TNKS: variants seen among roughly 807,000 people sequenced by gnomAD.
TNKS encodes the protein tankyrase.
A neutral mutation model predicts 135.8 loss-of-function variants in TNKS; 72 were observed. The observed-to-expected ratio is 0.53, with a 90% CI of 0.44 to 0.64. TNKS has a LOEUF of 0.64. Ranked by LOEUF, TNKS falls within the 30% of genes least tolerant of loss-of-function variation. TNKS has a pLI of 0.00. For missense variants in TNKS, 1,769 were observed against 1,674.0 expected, an observed-to-expected ratio of 1.06 and a Z score of -0.99; for synonymous variants, 849 against 649.3, an observed-to-expected ratio of 1.31 and a Z score of -4.68.
rs372777869 is a variant in TNKS at position 9,580,175 on chromosome 8, T to C, written c.690T>C (p.Asp230=). 31 of 1,614,008 alleles carry C rather than the reference T, an allele frequency of 1.9e-5. No homozygotes were observed. Among genetic ancestry groups the C allele is most frequent in the Non-Finnish European group, 2.4e-5 (28 of 1,179,990 alleles). The part of the protein sequence containing the change: ...LHFAAGFGRK[D]VVEHLLQMGA... Reference sequence around the variant, plus strand: ...TCTTTTTAGGTTTTGGAAGGAAGGATGTTGTAGAACACTTACTACAGATGG... The same window carrying C: ...TCTTTTTAGGTTTTGGAAGGAAGGACGTTGTAGAACACTTACTACAGATGG... The change falls in exon 2 of 27, where the codon GAT becomes GAC. Residue 230 remains aspartate, a synonymous_variant. Coordinates refer to ENST00000310430, the MANE Select transcript of TNKS (RefSeq NM_003747.3).
intron 9 of TNKS, among the ~76,000 whole-genome samples, chr8:9,709,543 A>T (rs900251689): frequency 3.3e-5 from 5 of 152,194 alleles, no homozygotes; most frequent in African/African-American, 1.2e-4. Flanking sequence ...CGTCTCCTGT[A>T]GTGCTGGGAG....
chr8:9,666,735 A>G (rs1222800599), intron 3 of TNKS, among the ~76,000 whole-genome samples: 1 of 151,752 alleles, frequency 6.6e-6, no homozygotes, highest in East Asian at 1.9e-4. Context: ...AAAAAAAAAA[A>G]GTAAAATACA....
intron 3 of TNKS, among the ~76,000 whole-genome samples, chr8:9,673,679 C>T (rs986389806): frequency 2.6e-5 from 4 of 151,976 alleles, no homozygotes; most frequent in Admixed American, 1.3e-4. Flanking sequence ...CTCCTGACCT[C>T]GTGATCCACC....
At chr8:9,706,155 T>A (rs1804033723) in intron 6 of TNKS, 32 bp from the exon 7 acceptor site, 1 of 1,516,588 alleles carries the variant, frequency 6.6e-7, no homozygotes, top group Non-Finnish European at 8.9e-7. Context: ...TGTTTGAAAT[T>A]TAAGTATTTT....
chr8:9,683,628 T>C (rs1327973501), intron 5 of TNKS, among the ~76,000 whole-genome samples: 1 of 151,804 alleles, frequency 6.6e-6, no homozygotes. Context: ...TCTTATACAG[T>C]GGTTAGTAGG....
intron 2 of TNKS, among the ~76,000 whole-genome samples, chr8:9,584,876 C>G (rs1798308807): frequency 6.6e-6 from 1 of 152,158 alleles, no homozygotes; most frequent in Admixed American, 6.5e-5. Flanking sequence ...GCAAATCATT[C>G]TAAAGATAAC....
At chr8:9,767,632 T>G (rs924066356) in intron 25 of TNKS, among the ~76,000 whole-genome samples, 3 of 152,134 alleles carry the variant, frequency 2.0e-5, no homozygotes, top group African/African-American at 7.2e-5. Flanking sequence ...GGAAGGAAAC[T>G]TCCTTCCATT....
At chr8:9,740,396 C>T (rs1215509090) in intron 17 of TNKS, among the ~76,000 whole-genome samples, 1 of 152,186 alleles carries the variant, frequency 6.6e-6, no homozygotes, top group African/African-American at 2.4e-5. Context: ...ACCAAACCAA[C>T]CCAACCACCT....
rs192634188 is a variant in TNKS at position 9,667,129 on chromosome 8, G to C, written c.995-12822G>C. 5.3e-3 allele frequency among the ~76,000 whole-genome samples: 802 copies of C among 152,200 alleles called. 9 individuals carry two copies. The highest frequency in any genetic ancestry group is 0.018 in the African/African-American group (752 of 41,550). On this transcript the variant is annotated intron_variant, in intron 3 of 26. Coordinates refer to ENST00000310430, the MANE Select transcript of TNKS (RefSeq NM_003747.3). Reference sequence around the variant, plus strand: ...AGGAACATAAGTCATTCAACAAATAGAAACGACAGAATACTCAAAAACACT... The same window carrying C: ...AGGAACATAAGTCATTCAACAAATACAAACGACAGAATACTCAAAAACACT...
At chr8:9,764,577 C>G in intron 22 of TNKS, 139 bp from the exon 23 acceptor site, 1 of 493,830 alleles carries the variant, frequency 2.0e-6, no homozygotes, top group Non-Finnish European at 3.4e-6. Flanking sequence ...ATTTTCTCAC[C>G]AAAAATACTT....
At chr8:9,708,249 G>A (rs1469808562) in intron 8 of TNKS, 122 bp from the exon 9 acceptor site, 2 of 847,972 alleles carry the variant, frequency 2.4e-6, no homozygotes, top group Non-Finnish European at 3.4e-6. Flanking sequence ...TTATCACATT[G>A]CTGCTGTTGT....
chr8:9,645,815 T>G (rs1282206555), intron 3 of TNKS, among the ~76,000 whole-genome samples: 1 of 152,246 alleles, frequency 6.6e-6, no homozygotes, highest in Non-Finnish European at 1.5e-5. Flanking sequence ...ACAAGTTTCT[T>G]TCTTGTGTTT....
At chr8:9,726,251 C>T (rs1334725819) in intron 12 of TNKS, among the ~76,000 whole-genome samples, 4 of 151,948 alleles carry the variant, frequency 2.6e-5, no homozygotes, top group Admixed American at 6.6e-5. Flanking sequence ...ACTAGCTGGG[C>T]GTGGTGGTGT....
rs552328227 is a variant in TNKS at position 9,578,282 on chromosome 8, G to A, written c.674-1877G>A. ...GCACTTATGGCCCAGTGGAAGAGTA[G>A]GGCATTGATGGTAGAGGGAAGGAAG... On this transcript the variant is annotated intron_variant, in intron 1 of 26. Transcript: ENST00000310430. Among the ~76,000 whole-genome samples the A allele has an allele frequency of 2.5e-4, 38 of 152,314 alleles. No homozygotes were observed. The Middle Eastern group carries it at 0.01, about 41-fold the overall frequency.
At chr8:9,655,612 G>T (rs1801327129) in intron 3 of TNKS, among the ~76,000 whole-genome samples, 1 of 152,178 alleles carries the variant, frequency 6.6e-6, no homozygotes, top group African/African-American at 2.4e-5. Flanking sequence ...AGCCACTGCT[G>T]CCTGATACCC....
intron 5 of TNKS, among the ~76,000 whole-genome samples, chr8:9,703,368 A>T (rs143216071): frequency 1.2e-4 from 19 of 152,364 alleles, no homozygotes; most frequent in Middle Eastern, 3.4e-3. Flanking sequence ...AACCACAGGT[A>T]AGTGAAATTG....
intron 20 of TNKS, 53 bp from the exon 21 acceptor site, chr8:9,761,463 G>C: frequency 6.3e-7 from 1 of 1,586,398 alleles, no homozygotes; most frequent in Non-Finnish European, 8.6e-7. Context: ...AAAAGCTTTT[G>C]TCCTCTTAAG....
intron 3 of TNKS, among the ~76,000 whole-genome samples, chr8:9,648,824 C>T (rs1419741827): frequency 1.3e-5 from 2 of 151,910 alleles, no homozygotes; most frequent in Non-Finnish European, 2.9e-5. Context: ...GAGTCACATA[C>T]CTTAAAAAGA....
intron 3 of TNKS, among the ~76,000 whole-genome samples, chr8:9,650,491 A>G (rs1462298188): frequency 6.6e-6 from 1 of 151,848 alleles, no homozygotes; most frequent in African/African-American, 2.4e-5. Flanking sequence ...TTATTTTTTT[A>G]TTTCTTAATT....
Sources: allele counts gnomAD v4.1 joint callset (sites outside exome capture counted in the v4.1 genomes callset), GRCh38; gene constraint gnomAD v4.1.1; transcripts MANE v1.5; gene names NCBI Gene and HGNC (gene_info 2026-07-23, HGNC 2026-07-21).